ARFGEF3: variants seen among roughly 807,000 people sequenced by gnomAD.
ARFGEF3 encodes the protein brefeldin A-inhibited guanine nucleotide-exchange protein 3.
ARFGEF3 carries 96 observed loss-of-function variants against 221.7 expected under a neutral mutation model. That is an observed-to-expected ratio of 0.43 (90% confidence interval 0.37 to 0.51). ARFGEF3 has a LOEUF of 0.51. Among genes scored for constraint, ARFGEF3 ranks in the 20% least tolerant of loss-of-function variants. The pLI, the probability that ARFGEF3 is intolerant of heterozygous loss-of-function variation, is 0.00. For synonymous variants in ARFGEF3, 1,145 were observed against 1,126.8 expected, an observed-to-expected ratio of 1.02 and a Z score of -0.32; for missense variants, 2,410 against 2,789.9, an observed-to-expected ratio of 0.86 and a Z score of 3.07.
Position 138,319,874 on chromosome 6 carries a change from A to G in ARFGEF3, c.4646A>G (p.His1549Arg). The G allele has an allele frequency of 2.5e-6, 4 of 1,613,630 alleles. No homozygotes were observed. The highest frequency in any genetic ancestry group is 3.4e-6 in the Non-Finnish European group (4 of 1,179,750). ...LVVEHIQSFL[H>R]SDIRYESMIN... ...GTGGAGCACATTCAAAGCTTTCTAC[A>G]TTCAGGTATCTGAAGTGCCAGAGCA... Residue 1549 changes from histidine to arginine, a missense_variant, in exon 28 of 34, where the codon CAT becomes CGT. His to Arg is a conservative substitution (Grantham distance 29). This residue lies in a region of ARFGEF3 where 723 missense variants were observed against 991.9 expected (regional missense o/e 0.73). Coordinates refer to ENST00000251691, the MANE Select transcript of ARFGEF3 (RefSeq NM_020340.5).
chr6:138,207,839 C>A (rs984784918), intron 3 of ARFGEF3, among the ~76,000 whole-genome samples: 2 of 152,060 alleles, frequency 1.3e-5, no homozygotes, highest in Non-Finnish European at 2.9e-5. Flanking sequence ...TTTTTTATGT[C>A]AGTATCAACT....
intron 4 of ARFGEF3, among the ~76,000 whole-genome samples, chr6:138,224,050 T>C (rs1453437169): frequency 6.6e-6 from 1 of 152,108 alleles, no homozygotes; most frequent in Non-Finnish European, 1.5e-5. Context: ...AGCACACAGG[T>C]AGGTGTAGTG....
chr6:138,317,220 A>G, intron 26 of ARFGEF3, 31 bp from the exon 27 acceptor site: 1 of 1,603,878 alleles, frequency 6.2e-7, no homozygotes, highest in East Asian at 2.2e-5. Context: ...GTCTAACTGG[A>G]TTTCATACAG....
At chr6:138,181,264 G>T (rs1777075075) in intron 2 of ARFGEF3, among the ~76,000 whole-genome samples, 1 of 152,286 alleles carries the variant, frequency 6.6e-6, no homozygotes, top group African/African-American at 2.4e-5. Flanking sequence ...GTTGACTTGA[G>T]TGATATTTTA....
In ARFGEF3 at chr6:138,243,031, GC is replaced by G. The variant is rs750292149; in HGVS notation, c.586+38del. 4 of 1,562,172 alleles carry G rather than the reference GC, an allele frequency of 2.6e-6. No individual in the cohort carries two copies. In the South Asian group the frequency reaches 4.5e-5, roughly 18 times the overall value. ...GATTTGTACTAGTTCAGTTTTTAAA[GC>G]AGGTGTGAGAATGCCTACTGTGTGC... is the stretch of plus-strand genomic sequence containing the variant. On this transcript the variant is annotated intron_variant, in intron 7 of 33. Coordinates refer to ENST00000251691, the MANE Select transcript of ARFGEF3 (RefSeq NM_020340.5).
Position 138,296,834 on chromosome 6 carries a change from GA to G in ARFGEF3, c.3532del (p.Ser1178AlafsTer13). 1 of 1,613,808 alleles carries G rather than the reference GA, an allele frequency of 6.2e-7. No homozygotes were observed. Among genetic ancestry groups the G allele is most frequent in the Non-Finnish European group, 8.5e-7 (1 of 1,179,826 alleles). On this transcript the variant is annotated frameshift_variant, in exon 21 of 34. Coordinates refer to ENST00000251691, the MANE Select transcript of ARFGEF3 (RefSeq NM_020340.5). LOFTEE classifies it high-confidence loss of function. The stretch of plus-strand genomic sequence containing the variant: ...GGAGAAGTTAAATCCACTCAAGACC[GA>G]AAAAGCGCCCTCCACCTGTTCCGCC... ...MPGEVKSTQD[R>X]KSALHLFRLG...
intron 19 of ARFGEF3, among the ~76,000 whole-genome samples, chr6:138,293,449 C>G (rs1278933298): frequency 6.6e-6 from 1 of 152,186 alleles, no homozygotes; most frequent in Non-Finnish European, 1.5e-5. Context: ...AACATTCTTT[C>G]TTCCAAATAG....
In ARFGEF3 at chr6:138,336,283, C is replaced by A. The variant is rs1369947613; in HGVS notation, c.6343-12C>A. 15 of 1,493,720 alleles carry A rather than the reference C, an allele frequency of 1.0e-5. No homozygotes were observed. In the South Asian group the frequency reaches 1.9e-4, roughly 19 times the overall value. The allele number at this position is 1,493,720 out of a possible 1,614,324, so 92.5% of individuals were successfully genotyped here. A position where few individuals can be genotyped will look rare whatever the true frequency, so the allele number is the denominator to read the frequency against. ...GGGAAAGCCACTGATTTTCTTAAAT[C>A]TTTTCTCTTAGGCATGGACCAACAT... is the stretch of plus-strand genomic sequence containing the variant. On this transcript the variant is annotated splice_polypyrimidine_tract_variant and intron_variant, in intron 33 of 33. Coordinates refer to ENST00000251691, the MANE Select transcript of ARFGEF3 (RefSeq NM_020340.5).
chr6:138,328,314 T>C (rs751999009), intron 32 of ARFGEF3, among the ~76,000 whole-genome samples, 172 bp downstream of exon 32: 5 of 152,192 alleles, frequency 3.3e-5, no homozygotes, highest in Non-Finnish European at 7.3e-5. Context: ...ATTACCCACA[T>C]TTCATACATA....
rs1380064523 is a variant in ARFGEF3 at position 138,253,985 on chromosome 6, G to A, written c.770+1G>A. 6.4e-7 allele frequency: 1 copy of A among 1,567,164 alleles called. No individual in the cohort carries two copies. The highest frequency in any genetic ancestry group is 1.2e-5 in the South Asian group (1 of 83,916). ...ACAGGCGCTTCACGGACCTGATCTGGTGAGCACCCACTCCTGACGCCCCGA... is the reference window on the plus strand; with the variant it reads ...ACAGGCGCTTCACGGACCTGATCTGATGAGCACCCACTCCTGACGCCCCGA... On this transcript the variant is annotated splice_donor_variant, in intron 9 of 33. Transcript: ENST00000251691. LOFTEE classifies it high-confidence loss of function.
intron 22 of ARFGEF3, among the ~76,000 whole-genome samples, chr6:138,302,950 G>A (rs1779652288): frequency 6.6e-6 from 1 of 152,102 alleles, no homozygotes; most frequent in South Asian, 2.1e-4. Flanking sequence ...AGAAGAAATG[G>A]TACATAAGTG....
intron 2 of ARFGEF3, among the ~76,000 whole-genome samples, chr6:138,201,533 A>T (rs555008397): frequency 6.6e-6 from 1 of 152,344 alleles, no homozygotes; most frequent in Non-Finnish European, 1.5e-5. Context: ...CCTGGATAAG[A>T]TTGGAGACTA....
chr6:138,201,544 T>C (rs1456752691), intron 2 of ARFGEF3, among the ~76,000 whole-genome samples: 1 of 152,192 alleles, frequency 6.6e-6, no homozygotes, highest in African/African-American at 2.4e-5. Context: ...TTGGAGACTA[T>C]TATTCTAAGT....
intron 5 of ARFGEF3, 46 bp downstream of exon 5, chr6:138,229,898 C>CCCAG: frequency 2.0e-6 from 3 of 1,490,270 alleles, no homozygotes; most frequent in Non-Finnish European, 2.8e-6. Context: ...GCTGCTTTAT[C>CCCAG]TCTGACTGGG....
At chr6:138,283,085 C>G (rs1468579359) in intron 14 of ARFGEF3, among the ~76,000 whole-genome samples, 1 of 152,012 alleles carries the variant, frequency 6.6e-6, no homozygotes, top group Non-Finnish European at 1.5e-5. Context: ...AGTAATCATT[C>G]AAATGTATGA....
In ARFGEF3 at chr6:138,280,013, G is replaced by A. The variant is rs2114618413; in HGVS notation, c.2310G>A (p.Lys770=). The A allele has an allele frequency of 6.2e-7, 1 of 1,613,936 alleles. No homozygotes were observed. The highest frequency in any genetic ancestry group is 2.2e-5 in the East Asian group (1 of 44,876). Residue 770 remains lysine, a synonymous_variant, in exon 14 of 34, where the codon AAG becomes AAA. Transcript: ENST00000251691. ...LAPGVMKDFM[K]QVQTSGVLMV... is the part of the protein sequence containing the mutation. ...TCTCTCTGTAGAAGGACTTCATGAAGCAGGTGCAGACCAGCGGCGTGCTGA... is the reference window on the plus strand; with the variant it reads ...TCTCTCTGTAGAAGGACTTCATGAAACAGGTGCAGACCAGCGGCGTGCTGA...
intron 22 of ARFGEF3, 35 bp from the exon 23 acceptor site, chr6:138,307,218 A>G (rs757069023): frequency 3.1e-6 from 5 of 1,605,338 alleles, no homozygotes; most frequent in Non-Finnish European, 4.3e-6. Flanking sequence ...TTTTAAGGAG[A>G]GGGCTTTAAG....
At chr6:138,203,158 ATG>A (rs68102875) in intron 2 of ARFGEF3, among the ~76,000 whole-genome samples, 23,402 of 150,476 alleles carry the variant, frequency 0.16, 3,890 homozygotes, top group African/African-American at 0.42. Context: ...GATTGTGTGT[ATG>A]TGTGTGTGTG....
intron 2 of ARFGEF3, among the ~76,000 whole-genome samples, 180 bp from the exon 3 acceptor site, chr6:138,206,862 A>G (rs893753994): frequency 2.6e-5 from 4 of 152,204 alleles, no homozygotes; most frequent in South Asian, 2.1e-4. Context: ...TTGATGGGCT[A>G]TCATTTCTGC....
Sources: gnomAD v4.1 joint callset for allele counts (sites outside exome capture counted in the v4.1 genomes callset) on GRCh38, gnomAD v4.1.1 for gene constraint, gnomAD v4.1.1 regional missense constraint, MANE v1.5 for transcripts, NCBI Gene and HGNC (gene_info 2026-07-23, HGNC 2026-07-21) for gene names.